Variants in DSE observed in about 807,000 individuals in gnomAD.
DSE encodes dermatan sulfate epimerase, also known as dermatan-sulfate epimerase.
A neutral mutation model predicts 84.4 loss-of-function variants in DSE; 36 were observed. The observed-to-expected ratio is 0.43, with a 90% CI of 0.33 to 0.56. DSE has a LOEUF of 0.56. DSE is among the 20% of genes least tolerant of loss of function. The pLI, the probability that DSE is intolerant of heterozygous loss-of-function variation, is 0.06. For synonymous variants in DSE, 410 were observed against 430.1 expected, an observed-to-expected ratio of 0.95 and a Z score of 0.58; for missense variants, 862 against 1,169.6, an observed-to-expected ratio of 0.74 and a Z score of 3.84.
Position 116,436,637 on chromosome 6 carries a change from G to A in DSE, c.2169G>A (p.Arg723=). 15 of 1,614,162 alleles carry A rather than the reference G, an allele frequency of 9.3e-6. No homozygotes were observed. Among genetic ancestry groups the A allele is most frequent in the Non-Finnish European group, 1.2e-5 (14 of 1,180,028 alleles). The change falls in exon 6 of 6, where the codon CGG becomes CGA. Residue 723 remains arginine (R), a synonymous_variant. Transcript: ENST00000644252. ...ATCGTCACAAAATTCTGTTTGACCG[G>A]AATTCAGCCATCAAGAGCAGCATTG... The part of the protein sequence containing the change: ...IADRHKILFD[R]NSAIKSSIVP...
chr6:116,433,907 A>G (rs1412423745), intron 5 of DSE, among the ~76,000 whole-genome samples: 1 of 152,170 alleles, frequency 6.6e-6, no homozygotes, highest in Non-Finnish European at 1.5e-5. Context: ...CACTTGCACT[A>G]TTTCATAAAT....
Position 116,439,004 on chromosome 6 carries a change from A to G in DSE, c.*1659A>G, listed in dbSNP as rs1784338305. The G allele has an allele frequency of 1.3e-5, 2 of 152,178 alleles. No individual in the cohort carries two copies. The highest frequency in any genetic ancestry group is 1.3e-4 in the Admixed American group (2 of 15,280). The allele number at this position is 152,178 out of a possible 1,614,324, so 9.4% of individuals were successfully genotyped here. On this transcript the variant is annotated 3_prime_UTR_variant, in exon 6 of 6. Transcript: ENST00000644252. ...TCATTACACACTGTTTAAAAGAATAATGTTTTCAAAAGAATAATGCTTCCG... is the reference window on the plus strand; with the variant it reads ...TCATTACACACTGTTTAAAAGAATAGTGTTTTCAAAAGAATAATGCTTCCG...
chr6:116,432,666 G>T (rs1382205489), intron 4 of DSE: 2 of 150,182 alleles, frequency 1.3e-5, no homozygotes, highest in East Asian at 3.9e-4. Context: ...TTTTTGTCTG[G>T]CTGAGTTTTC....
intron 2 of DSE, among the ~76,000 whole-genome samples, chr6:116,340,931 T>G (rs1777553602): frequency 6.6e-6 from 1 of 152,248 alleles, no homozygotes; most frequent in African/African-American, 2.4e-5. Flanking sequence ...CTACTGTGAA[T>G]AGTGCTGCAG....
At chr6:116,366,914 G>A (rs1009896791), upstream of DSE, 1 of 152,238 alleles carries the variant, frequency 6.6e-6, no homozygotes, top group Non-Finnish European at 1.5e-5. Flanking sequence ...AGGCCAGGAA[G>A]TATGTACCTG....
At chr6:116,317,974 A>G (rs1005809986) in intron 2 of DSE, among the ~76,000 whole-genome samples, 5 of 152,226 alleles carry the variant, frequency 3.3e-5, no homozygotes, top group African/African-American at 1.2e-4. Flanking sequence ...ATTATACACA[A>G]TCAGAACAAC....
intron 2 of DSE, among the ~76,000 whole-genome samples, chr6:116,416,977 C>T (rs888627394): frequency 3.9e-5 from 6 of 152,104 alleles, no homozygotes; most frequent in Non-Finnish European, 7.4e-5. Context: ...TATAGGCAGA[C>T]CTGGTTATTC....
At chr6:116,385,612 C>T (rs958729341) in intron 1 of DSE, among the ~76,000 whole-genome samples, 10 of 152,096 alleles carry the variant, frequency 6.6e-5, no homozygotes, top group African/African-American at 2.4e-4. Context: ...GCAGTGCCTA[C>T]GTCTTTGGGT....
At chr6:116,422,321 A>G (rs1783143149) in intron 2 of DSE, among the ~76,000 whole-genome samples, 1 of 152,246 alleles carries the variant, frequency 6.6e-6, no homozygotes. Flanking sequence ...TCTTATTTCC[A>G]GTTGAAAGCT....
At chr6:116,270,962 A>G (rs183330797) in intron 2 of DSE, among the ~76,000 whole-genome samples, 30 of 152,340 alleles carry the variant, frequency 2.0e-4, no homozygotes, top group African/African-American at 7.0e-4. Context: ...AAATGAGAGC[A>G]TATATGGAAG....
intron 2 of DSE, among the ~76,000 whole-genome samples, chr6:116,292,895 G>A (rs1246883341): frequency 6.6e-6 from 1 of 152,164 alleles, no homozygotes; most frequent in African/African-American, 2.4e-5. Flanking sequence ...TGACACCCTT[G>A]TATCTATATA....
intron 2 of DSE, among the ~76,000 whole-genome samples, chr6:116,290,164 G>A (rs901964536): frequency 6.6e-6 from 1 of 152,010 alleles, no homozygotes; most frequent in Non-Finnish European, 1.5e-5. Context: ...AAAGCTCTTT[G>A]TACTATGCCA....
chr6:116,359,092 A>G (rs905655095), intron 2 of DSE, among the ~76,000 whole-genome samples: 2 of 152,152 alleles, frequency 1.3e-5, no homozygotes, highest in Non-Finnish European at 2.9e-5. Flanking sequence ...CTGAAATAAA[A>G]AATAGAAACA....
intron 2 of DSE, among the ~76,000 whole-genome samples, chr6:116,339,247 T>C (rs1669507165): frequency 6.6e-6 from 1 of 152,092 alleles, no homozygotes; most frequent in African/African-American, 2.4e-5. Context: ...TCTTAGAACA[T>C]TTACAAGTTG....
chr6:116,316,114 A>G (rs1465422268), intron 2 of DSE, among the ~76,000 whole-genome samples: 1 of 152,208 alleles, frequency 6.6e-6, no homozygotes, highest in Non-Finnish European at 1.5e-5. Flanking sequence ...TTGCATCTAA[A>G]CTGAGATAAA....
intron 2 of DSE, among the ~76,000 whole-genome samples, chr6:116,326,764 A>T (rs1348672705): frequency 1.3e-5 from 2 of 152,260 alleles, no homozygotes. Context: ...AAAATGTATC[A>T]AAATCTCTAA....
intron 1 of DSE, chr6:116,257,443 A>T (rs766593714): frequency 1.6e-4 from 25 of 152,270 alleles, no homozygotes; most frequent in Admixed American, 1.0e-3. Flanking sequence ...CTACATGACC[A>T]TCCCAATTTA....
At chr6:116,391,637 G>A (rs1234454015) in intron 1 of DSE, among the ~76,000 whole-genome samples, 6 of 151,856 alleles carry the variant, frequency 4.0e-5, no homozygotes, top group African/African-American at 1.5e-4. Flanking sequence ...GTGGTGGCGG[G>A]TGCCTGTAGT....
At chr6:116,358,528 G>T (rs361516) in intron 2 of DSE, among the ~76,000 whole-genome samples, 85 of 152,306 alleles carry the variant, frequency 5.6e-4, no homozygotes, top group Non-Finnish European at 1.1e-3. Flanking sequence ...GAAGACTCCA[G>T]ATCAACCAGG....
Sources: allele counts gnomAD v4.1 joint callset (sites outside exome capture counted in the v4.1 genomes callset), GRCh38; gene constraint gnomAD v4.1.1; transcripts MANE v1.5; gene names NCBI Gene and HGNC (gene_info 2026-07-23, HGNC 2026-07-21).